KCNAB1: variants seen among roughly 807,000 people sequenced by gnomAD.
KCNAB1 encodes the protein potassium voltage-gated channel subfamily A regulatory beta subunit 1.
Under a neutral mutation model 64.6 loss-of-function variants are expected in KCNAB1, and 35 were observed. That is an observed-to-expected ratio of 0.54 (90% confidence interval 0.41 to 0.72). The LOEUF (loss-of-function observed/expected upper bound fraction) is 0.72. KCNAB1 is among the 30% of genes least tolerant of loss of function. The pLI, the probability that KCNAB1 is intolerant of heterozygous loss-of-function variation, is 0.00. For missense variants in KCNAB1, 401 were observed against 512.9 expected (o/e 0.78, Z 2.11); for synonymous variants, 177 against 183.8 (o/e 0.96, Z 0.30).
At chr3:156,327,568 T>C (rs1723048064) in intron 1 of KCNAB1, among the ~76,000 whole-genome samples, 1 of 152,150 alleles carries the variant, frequency 6.6e-6, no homozygotes, top group Admixed American at 6.6e-5. Flanking sequence ...ATGGGCTAGA[T>C]CCGGGGCTTA....
At chr3:156,191,717 T>C (rs1398384530) in intron 1 of KCNAB1, among the ~76,000 whole-genome samples, 4 of 152,212 alleles carry the variant, frequency 2.6e-5, no homozygotes. Flanking sequence ...ATTGATATAA[T>C]GCTAAATGAA....
rs35419424 is a variant in KCNAB1 at position 156,165,277 on chromosome 3, C to CAAA, written c.275+44417_275+44419dup. 3.0e-3 allele frequency among the ~76,000 whole-genome samples: 82 copies of CAAA among 27,124 alleles called. 4 individuals carry two copies. Among genetic ancestry groups the CAAA allele is most frequent in the African/African-American group, 5.2e-3 (52 of 10,062 alleles). The allele number at this position is 27,124 out of a possible 152,430, so 17.8% of individuals were successfully genotyped here. ...TGGGCGACAGAGCGAGACTCCGTCT[C>CAAA]AAAAAAAAAAAAAAAAAAAAAAAAA... On this transcript the variant is annotated intron_variant, in intron 1 of 13. Coordinates refer to ENST00000490337, the MANE Select transcript of KCNAB1 (RefSeq NM_172160.3).
intron 2 of KCNAB1, among the ~76,000 whole-genome samples, chr3:156,425,747 T>C (rs143931600): frequency 2.2e-4 from 33 of 152,302 alleles, no homozygotes; most frequent in Middle Eastern, 3.4e-3. Context: ...AAATTTATCA[T>C]AGTGCAGTGG....
intron 2 of KCNAB1, among the ~76,000 whole-genome samples, chr3:156,429,406 G>A (rs1393236923): frequency 1.3e-5 from 2 of 152,314 alleles, no homozygotes; most frequent in African/African-American, 2.4e-5. Context: ...GGCAGGTGGG[G>A]TGAGCTGGCT....
chr3:156,154,658 A>G (rs55858430), intron 1 of KCNAB1, among the ~76,000 whole-genome samples: 89,770 of 152,034 alleles, frequency 0.59, 27,342 homozygotes, highest in East Asian at 0.92. Context: ...GGTAATTAAT[A>G]GTTGCAGGCT....
chr3:156,350,482 C>A (rs1724783805), intron 1 of KCNAB1, among the ~76,000 whole-genome samples: 2 of 147,616 alleles, frequency 1.4e-5, no homozygotes, highest in African/African-American at 2.5e-5. Flanking sequence ...ACTGTAGCCC[C>A]AGCAACAGAG....
chr3:156,281,391 A>G (rs1217650409), intron 1 of KCNAB1, among the ~76,000 whole-genome samples: 1 of 150,814 alleles, frequency 6.6e-6, no homozygotes, highest in Non-Finnish European at 1.5e-5. Flanking sequence ...GGATTTTTGC[A>G]TCAATGTTCA....
intron 8 of KCNAB1, among the ~76,000 whole-genome samples, chr3:156,493,721 C>T (rs560486545): frequency 5.3e-4 from 80 of 152,218 alleles, no homozygotes; most frequent in African/African-American, 1.8e-3. Context: ...GCTCTTCAGG[C>T]TTTGTCTTTA....
At chr3:156,491,257 A>G (rs1400791697) in intron 8 of KCNAB1, among the ~76,000 whole-genome samples, 3 of 152,124 alleles carry the variant, frequency 2.0e-5, no homozygotes, top group Non-Finnish European at 4.4e-5. Context: ...GGAAAACGCC[A>G]AGAGGACAGC....
chr3:156,411,696 T>C (rs1005198666), intron 1 of KCNAB1, among the ~76,000 whole-genome samples: 12 of 152,186 alleles, frequency 7.9e-5, no homozygotes, highest in Admixed American at 6.5e-4. Context: ...TTCTGACCTG[T>C]CTGTTCTGTT....
intron 1 of KCNAB1, chr3:156,291,972 T>C (rs372404618): frequency 5.0e-6 from 8 of 1,614,036 alleles, no homozygotes; most frequent in Non-Finnish European, 6.8e-6. Context: ...GACCGACTTC[T>C]GAGCAAGCAG....
intron 1 of KCNAB1, among the ~76,000 whole-genome samples, chr3:156,260,029 C>T (rs1481284485): frequency 6.6e-6 from 1 of 152,148 alleles, no homozygotes; most frequent in Non-Finnish European, 1.5e-5. Flanking sequence ...ATGCAGGATA[C>T]TCAGACTTTT....
At position 156,523,899 on chromosome 3, in the gene KCNAB1, T is replaced by C; in HGVS notation, c.1033T>C (p.Ser345Pro). Residue 345 changes from serine (S) to proline (P), a missense_variant, in exon 12 of 14, where the codon TCC becomes CCC. Ser to Pro is a moderately conservative substitution (Grantham distance 74, BLOSUM62 -1). Transcript: ENST00000490337. The stretch of plus-strand genomic sequence containing the variant: ...ACAGCAAAACAAGCTAAAAGACCTT[T>C]CCCCAATTGCGGAGCGTCTGGGATG... ...RKQQNKLKDLSPIAERLGCTL... is the reference protein window; with the variant it reads ...RKQQNKLKDLPPIAERLGCTL... 1 of 1,614,020 alleles carries C rather than the reference T, an allele frequency of 6.2e-7. No homozygotes were observed. Among genetic ancestry groups the C allele is most frequent in the Non-Finnish European group, 8.5e-7 (1 of 1,179,934 alleles).
At chr3:156,211,411 A>G (rs1039689933) in intron 1 of KCNAB1, among the ~76,000 whole-genome samples, 8 of 152,220 alleles carry the variant, frequency 5.3e-5, no homozygotes, top group Admixed American at 1.3e-4. Context: ...GGCCAATGCA[A>G]TGGGTTGGAT....
At chr3:156,294,106 G>A (rs1025894167) in intron 1 of KCNAB1, among the ~76,000 whole-genome samples, 10 of 152,304 alleles carry the variant, frequency 6.6e-5, no homozygotes, top group African/African-American at 2.2e-4. Context: ...AAGGCCTTTG[G>A]AAGTCAGGAG....
At chr3:156,268,233 A>T (rs115489330) in intron 1 of KCNAB1, among the ~76,000 whole-genome samples, 1 of 152,160 alleles carries the variant, frequency 6.6e-6, no homozygotes, top group African/African-American at 2.4e-5. Flanking sequence ...ATAAAATTCC[A>T]TTGTGTATGC....
rs199641157 is a variant in KCNAB1, at chr3:156,363,141, A to G, written c.276-58475A>G. 3.2e-4 allele frequency among the ~76,000 whole-genome samples: 49 copies of G among 152,338 alleles called. No homozygotes were observed. In the East Asian group the frequency reaches 9.3e-3, roughly 29 times the overall value. ...TTGCCTCAGAAAAATAATTAGTTTC[A>G]CCCCAGATCACATTTGAAATTAATG... On this transcript the variant is annotated intron_variant, in intron 1 of 13. Transcript: ENST00000490337.
intron 1 of KCNAB1, among the ~76,000 whole-genome samples, chr3:156,311,994 C>T (rs943441564): frequency 6.6e-6 from 1 of 152,234 alleles, no homozygotes; most frequent in Non-Finnish European, 1.5e-5. Context: ...GCACCCCACT[C>T]ATCACACATT....
chr3:156,505,696 G>C (rs1716789009), intron 8 of KCNAB1, among the ~76,000 whole-genome samples: 1 of 152,120 alleles, frequency 6.6e-6, no homozygotes, highest in Non-Finnish European at 1.5e-5. Context: ...AATTTATAAA[G>C]AAAAGAGGTT....
Sources: allele counts gnomAD v4.1 joint callset (sites outside exome capture counted in the v4.1 genomes callset), GRCh38; gene constraint gnomAD v4.1.1; transcripts MANE v1.5; gene names NCBI Gene and HGNC (gene_info 2026-07-23, HGNC 2026-07-21).